Variants in ATCAY observed in about 807,000 individuals in gnomAD.
ATCAY encodes ATCAY kinesin light chain interacting caytaxin.
In ATCAY, 22 loss-of-function variants were observed where a neutral mutation model predicts 47.7. That is an observed-to-expected ratio of 0.46 (90% CI 0.33 to 0.66). ATCAY has a LOEUF of 0.66. Among genes scored for constraint, ATCAY ranks in the 30% least tolerant of loss-of-function variants. ATCAY has a pLI of 0.02. For missense variants in ATCAY, 452 were observed against 515.0 expected (o/e 0.88, Z 1.18); for synonymous variants, 216 against 207.6 (o/e 1.04, Z -0.35).
intron 2 of ATCAY, among the ~76,000 whole-genome samples, chr19:3,897,517 A>G (rs2038780225): frequency 6.7e-6 from 1 of 149,704 alleles, no homozygotes; most frequent in Non-Finnish European, 1.5e-5. Context: ...CTGATCTCAA[A>G]CTCCTGGGCT....
chr19:3,894,106 A>G (rs950523343), intron 2 of ATCAY, among the ~76,000 whole-genome samples: 4 of 151,724 alleles, frequency 2.6e-5, no homozygotes, highest in African/African-American at 9.7e-5. Flanking sequence ...TAATCCCAGC[A>G]CTCTGGGAGG....
At position 3,885,783 on chromosome 19, in the gene ATCAY, G is replaced by A. The variant is rs1215062794; in HGVS notation, c.16G>A (p.Ala6Thr). ...CCCAGCTCCCATGGGGACCACCGAA[G>A]CCACGCTCCGGATGGAAAACGTGGA... MGTTE[A>T]TLRMENVDVK... The change falls in exon 2 of 13, where the codon GCC becomes ACC. Residue 6 changes from alanine (A) to threonine (T), a missense_variant. Physicochemically the swap from Ala to Thr is moderately conservative, Grantham distance 58 (BLOSUM62 0). Coordinates refer to ENST00000450849, the MANE Select transcript of ATCAY (RefSeq NM_033064.5). 3.9e-6 allele frequency: 6 copies of A among 1,551,478 alleles called. No individual in the cohort carries two copies. The East Asian group carries it at 9.8e-5, about 25-fold the overall frequency.
chr19:3,905,151 C>T (rs1047198215), intron 3 of ATCAY, among the ~76,000 whole-genome samples: 1 of 152,200 alleles, frequency 6.6e-6, no homozygotes. Context: ...AGCCACCGCA[C>T]CCGGCCCAAA....
At chr19:3,881,603 C>A (rs891204149) in intron 1 of ATCAY, among the ~76,000 whole-genome samples, 2 of 150,630 alleles carry the variant, frequency 1.3e-5, no homozygotes, top group African/African-American at 4.9e-5. Context: ...AAGCCAGGAT[C>A]TGAGTGCAGG....
chr19:3,900,895 C>CGTTTT (rs1371488272), intron 2 of ATCAY, among the ~76,000 whole-genome samples: 1 of 92,254 alleles, frequency 1.1e-5, no homozygotes, highest in African/African-American at 4.7e-5. Flanking sequence ...TATCCTTCAT[C>CGTTTT]TTTTTTTTTT....
rs777326805 is a variant in ATCAY, at chr19:3,905,629, G to A, written c.332G>A (p.Gly111Glu). 5 of 1,613,592 alleles carry A rather than the reference G, an allele frequency of 3.1e-6. No individual in the cohort carries two copies. The South Asian group carries it at 4.4e-5, about 14-fold the overall frequency. Residue 111 changes from glycine to glutamate, a missense_variant, in exon 4 of 13, where the codon GGG becomes GAG. Gly to Glu is a moderately conservative substitution (Grantham distance 98). Transcript: ENST00000450849. ...GAGACCGACTCGCTGGAGTTCCTGG[G>A]GAATGGCAACGAACTGGAGTGGGAA... ...PDETDSLEFLGNGNELEWEDD... is the reference protein window; with the variant it reads ...PDETDSLEFLENGNELEWEDD...
chr19:3,913,047 G>T (rs2038936555), intron 8 of ATCAY, among the ~76,000 whole-genome samples: 1 of 152,146 alleles, frequency 6.6e-6, no homozygotes, highest in South Asian at 2.1e-4. Context: ...CAGCACTTTG[G>T]GAGTTAGAGG....
chr19:3,909,714 A>T, intron 7 of ATCAY, 97 bp downstream of exon 7: 1 of 1,496,152 alleles, frequency 6.7e-7, no homozygotes, highest in Non-Finnish European at 9.0e-7. Context: ...GCACTTCGGG[A>T]GGCTGAGGTG....
intron 12 of ATCAY, among the ~76,000 whole-genome samples, chr19:3,923,553 GATGGATAA>G (rs1568454920): frequency 6.6e-6 from 1 of 151,936 alleles, no homozygotes; most frequent in Non-Finnish European, 1.5e-5. Flanking sequence ...TGGATGGATG[GATGGATAA>G]ATGGATGGAT....
chr19:3,888,113 C>CA (rs111548883), intron 2 of ATCAY, among the ~76,000 whole-genome samples: 60,719 of 141,612 alleles, frequency 0.43, 13,690 homozygotes, highest in African/African-American at 0.6. Flanking sequence ...GACTCCGTCT[C>CA]AAAAAAAAAA....
intron 2 of ATCAY, among the ~76,000 whole-genome samples, chr19:3,891,736 G>C (rs562953762): frequency 1.3e-5 from 2 of 151,882 alleles, no homozygotes; most frequent in African/African-American, 2.4e-5. Flanking sequence ...TGGGGGAGGA[G>C]CTTACCCAGG....
chr19:3,918,777 C>T (rs998005867), intron 10 of ATCAY, 29 bp from the exon 11 acceptor site: 1 of 1,613,634 alleles, frequency 6.2e-7, no homozygotes, highest in Non-Finnish European at 8.5e-7. Context: ...GGCTAGTCAC[C>T]CTTGTCACCT....
intron 2 of ATCAY, among the ~76,000 whole-genome samples, chr19:3,887,662 AT>A (rs2038671983): frequency 6.7e-6 from 1 of 150,156 alleles, no homozygotes; most frequent in African/African-American, 2.4e-5. Flanking sequence ...AATTTTTTGT[AT>A]TTTTAGTAGA....
Position 3,913,746 on chromosome 19 carries a change from T to TC in ATCAY, c.867-6dup, listed in dbSNP as rs2038941848. 1.9e-6 allele frequency: 3 copies of TC among 1,610,654 alleles called. No individual in the cohort carries two copies. The highest frequency in any genetic ancestry group is 1.3e-5 in the African/African-American group (1 of 74,472). On this transcript the variant is annotated splice_polypyrimidine_tract_variant and intron_variant, in intron 8 of 12. Coordinates refer to ENST00000450849, the MANE Select transcript of ATCAY (RefSeq NM_033064.5). ...TGCATTTCAGACCTCTCCCTCCTTC[T>TC]CCCCCCGCCAGCGTCAAGTTCATCA...
At chr19:3,913,737 C>A in intron 8 of ATCAY, 21 bp from the exon 9 acceptor site, 6 of 1,607,466 alleles carry the variant, frequency 3.7e-6, no homozygotes, top group Non-Finnish European at 5.1e-6. Context: ...TCAGACCTCT[C>A]CCTCCTTCTC....
At position 3,915,274 on chromosome 19, in the gene ATCAY, G is replaced by A. The variant is rs2038956967; in HGVS notation, c.965+1418G>A. Among the ~76,000 whole-genome samples the A allele has an allele frequency of 2.0e-5, 3 of 151,510 alleles. No homozygotes were observed. In the South Asian group the frequency reaches 6.2e-4, roughly 31 times the overall value. On this transcript the variant is annotated intron_variant, in intron 9 of 12. Coordinates refer to ENST00000450849, the MANE Select transcript of ATCAY (RefSeq NM_033064.5). ...CACAACCTCCGCCTCCCGGGTTCAA[G>A]CGATTCTCCTGCCTCAGCCTCCCAA... is the stretch of plus-strand genomic sequence containing the variant.
At chr19:3,889,073 T>A (rs927655255) in intron 2 of ATCAY, among the ~76,000 whole-genome samples, 1 of 152,006 alleles carries the variant, frequency 6.6e-6, no homozygotes, top group Non-Finnish European at 1.5e-5. Flanking sequence ...AGTTTGAGAT[T>A]AGCCTGGGCA....
chr19:3,906,138 T>G (rs2145244747), intron 4 of ATCAY, among the ~76,000 whole-genome samples: 1 of 143,130 alleles, frequency 7.0e-6, no homozygotes, highest in South Asian at 2.2e-4. Flanking sequence ...GCCACTGCAC[T>G]CCAGCCTGGG....
At chr19:3,919,147 T>C (rs2038993840) in intron 11 of ATCAY, among the ~76,000 whole-genome samples, 1 of 151,138 alleles carries the variant, frequency 6.6e-6, no homozygotes, top group Non-Finnish European at 1.5e-5. Context: ...ACATGGTGGC[T>C]CACATCTGTA....
Sources: gnomAD v4.1 joint callset for allele counts (sites outside exome capture counted in the v4.1 genomes callset) on GRCh38, gnomAD v4.1.1 for gene constraint, MANE v1.5 for transcripts, NCBI Gene and HGNC (gene_info 2026-07-23, HGNC 2026-07-21) for gene names.